Variants in PRKN observed in about 807,000 individuals in gnomAD.
PRKN encodes the protein E3 ubiquitin-protein ligase parkin.
In PRKN, 56 loss-of-function variants were observed where a neutral mutation model predicts 59.5. That is an observed-to-expected ratio of 0.94 (90% CI 0.76 to 1.18). The LOEUF (loss-of-function observed/expected upper bound fraction) is 1.18. PRKN is among the 50% of genes most tolerant of loss of function. The probability of loss-of-function intolerance (pLI) is 0.00; values close to 1 mark genes in which losing one functional copy is unlikely to be tolerated. For synonymous variants in PRKN, 250 were observed against 222.1 expected (o/e 1.13, Z -1.12); for missense variants, 657 against 596.4 (o/e 1.10, Z -1.06).
chr6:162,351,758 A>G (rs899034815), intron 2 of PRKN, among the ~76,000 whole-genome samples: 1 of 152,178 alleles, frequency 6.6e-6, no homozygotes, highest in African/African-American at 2.4e-5. Context: ...TGTAACATAG[A>G]TGAATCTCAA....
chr6:161,622,188 G>T (rs1403119517), intron 7 of PRKN, among the ~76,000 whole-genome samples: 1 of 152,140 alleles, frequency 6.6e-6, no homozygotes, highest in Non-Finnish European at 1.5e-5. Context: ...ACCAGCTGCT[G>T]CAGTAGTGGT....
chr6:162,668,005 G>GA (rs946363750), intron 1 of PRKN, among the ~76,000 whole-genome samples: 1 of 151,906 alleles, frequency 6.6e-6, no homozygotes, highest in Admixed American at 6.6e-5. Context: ...GACAAGAGAG[G>GA]AAAAAAATCT....
intron 2 of PRKN, among the ~76,000 whole-genome samples, chr6:162,418,604 G>A (rs1041537940): frequency 7.3e-5 from 11 of 150,028 alleles, no homozygotes; most frequent in Non-Finnish European, 1.5e-4. Context: ...TGAAGAGAGA[G>A]GGACAGACAG....
At chr6:161,708,461 GAAAAA>G (rs67537331) in intron 7 of PRKN, among the ~76,000 whole-genome samples, 2 of 124,722 alleles carry the variant, frequency 1.6e-5, no homozygotes, top group African/African-American at 2.8e-5. Flanking sequence ...GTTGATTTCA[GAAAAA>G]AAAAAAAAAA....
chr6:161,643,940 A>AT (rs1166594016), intron 7 of PRKN, among the ~76,000 whole-genome samples: 1 of 149,302 alleles, frequency 6.7e-6, no homozygotes, highest in African/African-American at 2.5e-5. Context: ...TGACATGTGA[A>AT]TTTTTTTTAG....
intron 4 of PRKN, among the ~76,000 whole-genome samples, chr6:162,111,684 A>G (rs1438969192): frequency 1.3e-5 from 2 of 151,056 alleles, no homozygotes; most frequent in African/African-American, 2.5e-5. Context: ...TAGTCTTTCA[A>G]GTTTTCTACA....
chr6:162,578,778 T>C (rs1780663539), intron 1 of PRKN, among the ~76,000 whole-genome samples: 1 of 152,218 alleles, frequency 6.6e-6, no homozygotes, highest in Non-Finnish European at 1.5e-5. Flanking sequence ...TTCATTTAAA[T>C]TCATCTCATC....
intron 1 of PRKN, among the ~76,000 whole-genome samples, chr6:162,653,134 T>A (rs1381571615): frequency 1.3e-5 from 2 of 152,220 alleles, no homozygotes; most frequent in Admixed American, 6.5e-5. Flanking sequence ...TAACTGAGTT[T>A]AAAAGATTTA....
At chr6:161,682,920 A>G (rs1402250900) in intron 7 of PRKN, among the ~76,000 whole-genome samples, 2 of 152,178 alleles carry the variant, frequency 1.3e-5, no homozygotes, top group Non-Finnish European at 2.9e-5. Context: ...TGGAGACTGC[A>G]CTGTCTCCCG....
chr6:162,206,900 C>A (rs139352763), intron 3 of PRKN, among the ~76,000 whole-genome samples: 1 of 152,174 alleles, frequency 6.6e-6, no homozygotes, highest in Non-Finnish European at 1.5e-5. Flanking sequence ...GTCCAGCAAG[C>A]GCTTCTTTAC....
intron 4 of PRKN, among the ~76,000 whole-genome samples, chr6:162,180,855 T>C (rs1477011523): frequency 1.3e-5 from 2 of 152,100 alleles, no homozygotes; most frequent in African/African-American, 4.8e-5. Context: ...GGCACACAAA[T>C]GCATCCCCAT....
chr6:161,989,288 G>A (rs1781554281), intron 5 of PRKN, among the ~76,000 whole-genome samples: 1 of 152,170 alleles, frequency 6.6e-6, no homozygotes, highest in African/African-American at 2.4e-5. Context: ...ACACCATCCA[G>A]GGCCTGGGGA....
chr6:162,014,108 AC>A (rs36064561), intron 5 of PRKN, among the ~76,000 whole-genome samples: 1 of 151,656 alleles, frequency 6.6e-6, no homozygotes, highest in South Asian at 2.1e-4. Flanking sequence ...GTTCCTACTC[AC>A]CCCCCATCGG....
At chr6:161,572,053 T>G (rs1035899015) in intron 7 of PRKN, among the ~76,000 whole-genome samples, 1 of 152,124 alleles carries the variant, frequency 6.6e-6, no homozygotes, top group Non-Finnish European at 1.5e-5. Flanking sequence ...GATGGCAGAT[T>G]GCAGGACTGC....
intron 1 of PRKN, among the ~76,000 whole-genome samples, chr6:162,521,846 A>C (rs1413903625): frequency 6.6e-6 from 1 of 152,206 alleles, no homozygotes; most frequent in Non-Finnish European, 1.5e-5. Context: ...AGAAAACCTA[A>C]GCAAATTGAT....
At position 161,914,879 on chromosome 6, in the gene PRKN, A is replaced by G. The variant is rs537970962; in HGVS notation, c.734+58423T>C. 2.0e-5 allele frequency among the ~76,000 whole-genome samples: 3 copies of G among 152,258 alleles called. No individual in the cohort carries two copies. In the East Asian group the frequency reaches 5.8e-4, roughly 30 times the overall value. On this transcript the variant is annotated intron_variant, in intron 6 of 11. Coordinates refer to ENST00000366898, the MANE Select transcript of PRKN (RefSeq NM_004562.3). ...GCAATAAATGTGTCTATGGGGAAGC[A>G]AAGTTTCTAAGAAGTGCTTAAGGAA... is the stretch of plus-strand genomic sequence containing the variant.
At chr6:161,406,244 T>C (rs1787271944) in intron 9 of PRKN, among the ~76,000 whole-genome samples, 1 of 151,858 alleles carries the variant, frequency 6.6e-6, no homozygotes, top group Non-Finnish European at 1.5e-5. Context: ...ACACTTGATT[T>C]GAGGTGTTGG....
intron 1 of PRKN, among the ~76,000 whole-genome samples, chr6:162,570,832 G>C (rs1331199636): frequency 6.6e-6 from 1 of 152,044 alleles, no homozygotes; most frequent in Non-Finnish European, 1.5e-5. Context: ...GGGAGGATGG[G>C]AGGGAAAAAA....
chr6:162,646,004 A>G (rs1778165398), intron 1 of PRKN, among the ~76,000 whole-genome samples: 1 of 150,700 alleles, frequency 6.6e-6, no homozygotes, highest in African/African-American at 2.4e-5. Flanking sequence ...CCTCCCCAGT[A>G]GCTGGGACTT....
Sources: allele counts gnomAD v4.1 joint callset (sites outside exome capture counted in the v4.1 genomes callset), GRCh38; gene constraint gnomAD v4.1.1; transcripts MANE v1.5; gene names NCBI Gene and HGNC (gene_info 2026-07-23, HGNC 2026-07-21).